The following ATP13A4 variants were observed in gnomAD, a reference collection of about 807,000 sequenced individuals.
ATP13A4 encodes ATPase 13A4, also known as probable cation-transporting ATPase 13A4.
In ATP13A4, 114 loss-of-function variants were observed where a neutral mutation model predicts 142.5. The ratio of observed to expected loss-of-function variants is 0.80; its 90% CI spans 0.69 to 0.93. The LOEUF (loss-of-function observed/expected upper bound fraction) is 0.93. Ranked by LOEUF, ATP13A4 falls within the 40% of genes least tolerant of loss-of-function variation. ATP13A4 has a pLI of 0.00. For synonymous variants in ATP13A4, 488 were observed against 514.8 expected, an observed-to-expected ratio of 0.95 and a Z score of 0.70; for missense variants, 1,392 against 1,454.0, an observed-to-expected ratio of 0.96 and a Z score of 0.69.
At position 193,457,024 on chromosome 3, in the gene ATP13A4, C is replaced by G. The variant is rs371121195; in HGVS notation, c.1891G>C (p.Ala631Pro). The change falls in exon 16 of 30, where the codon GCC becomes CCC. Residue 631 changes from alanine to proline, a missense_variant. Transcript: ENST00000342695. ...AFMKGAPERV[A>P]SFCQPETVPT... is the part of the protein sequence containing the mutation. The stretch of plus-strand genomic sequence containing the variant: ...CCTGTCTCAGGTTGGCAAAAGCTGG[C>G]CACCCTCTCTGGTGCACCTTTCATG... 8 of 1,613,824 alleles carry G rather than the reference C, an allele frequency of 5.0e-6. No homozygotes were observed. Among genetic ancestry groups the G allele is most frequent in the African/African-American group, 1.3e-5 (1 of 74,922 alleles).
At chr3:193,509,870 A>C (rs984037973) in intron 2 of ATP13A4, among the ~76,000 whole-genome samples, 1 of 152,204 alleles carries the variant, frequency 6.6e-6, no homozygotes, top group Non-Finnish European at 1.5e-5. Context: ...TCACTAGAAA[A>C]TCACTCTGTA....
At chr3:193,501,276 G>C (rs546600257) in intron 3 of ATP13A4, among the ~76,000 whole-genome samples, 2 of 152,246 alleles carry the variant, frequency 1.3e-5, no homozygotes, top group African/African-American at 4.8e-5. Context: ...CTTTGTTTTT[G>C]TTTATTTGGG....
At chr3:193,444,265 GAAC>G (rs1716816442) in intron 18 of ATP13A4, among the ~76,000 whole-genome samples, 1 of 152,126 alleles carries the variant, frequency 6.6e-6, no homozygotes, top group African/African-American at 2.4e-5. Context: ...GAAAATAGTG[GAAC>G]AACATCTTTG....
At chr3:193,538,260 T>C (rs886437739) in intron 1 of ATP13A4, among the ~76,000 whole-genome samples, 10 of 152,296 alleles carry the variant, frequency 6.6e-5, no homozygotes, top group African/African-American at 1.9e-4. Context: ...TAAGGATCCA[T>C]TGGCTCTTGG....
At chr3:193,557,117 A>G (rs187841677), upstream of ATP13A4, among the ~76,000 whole-genome samples, 563 of 152,354 alleles carry the variant, frequency 3.7e-3, 15 homozygotes, top group Admixed American at 0.035. Context: ...AACTGTACAC[A>G]AACTTACCCC....
intron 25 of ATP13A4, among the ~76,000 whole-genome samples, chr3:193,417,700 A>ATGTAAAGAAAAGAGAACACTTACGT (rs1361802616): frequency 7.2e-6 from 1 of 139,324 alleles, no homozygotes; most frequent in African/African-American, 2.7e-5. Context: ...ACAAAAAAGA[A>ATGTAAAGAAAAGAGAACACTTACGT]ATTGGCCAGG....
chr3:193,521,969 A>T (rs1370224862), intron 1 of ATP13A4, among the ~76,000 whole-genome samples: 1 of 152,026 alleles, frequency 6.6e-6, no homozygotes, highest in East Asian at 1.9e-4. Context: ...AATAGAAAAA[A>T]AAAACTGCAC....
chr3:193,454,185 T>C lies in ATP13A4; in HGVS notation c.1943A>G (p.Gln648Arg). The change falls in exon 17 of 30, where the codon CAG (glutamine) becomes CGG (arginine). Residue 648 changes from glutamine (Q) to arginine (R), a missense_variant. By Grantham distance (43) the Gln-to-Arg change is conservative. Transcript: ENST00000342695. Reference sequence around the variant, plus strand: ...TCGGAAGCCCTGTGTCGTGTAAATCTGAAGTTCGCTAACAAAACTAGTGGG... The same window carrying C: ...TCGGAAGCCCTGTGTCGTGTAAATCCGAAGTTCGCTAACAAAACTAGTGGG... ...TVPTSFVSEL[Q>R]IYTTQGFRVI... 1 of 1,613,942 alleles carries C rather than the reference T, an allele frequency of 6.2e-7. No individual in the cohort carries two copies. The highest frequency in any genetic ancestry group is 1.1e-5 in the South Asian group (1 of 91,078).
chr3:193,536,635 G>A (rs1047393389), intron 1 of ATP13A4, among the ~76,000 whole-genome samples: 3 of 151,930 alleles, frequency 2.0e-5, no homozygotes, highest in Admixed American at 2.0e-4. Flanking sequence ...TCTAGAATTT[G>A]TAACTAGATA....
Position 193,457,480 on chromosome 3 carries a change from G to C in ATP13A4, c.1675-15C>G. On this transcript the variant is annotated splice_polypyrimidine_tract_variant and intron_variant, in intron 14 of 29. Coordinates refer to ENST00000342695, the MANE Select transcript of ATP13A4 (RefSeq NM_032279.4). ...AAAGCCATTTCCTATTTCACAAATA[G>C]GATATTTCATTGCAGAGATTTATTT... 1 of 1,600,804 alleles carries C rather than the reference G, an allele frequency of 6.2e-7. No homozygotes were observed.
At chr3:193,484,524 G>C (rs908515776) in intron 7 of ATP13A4, among the ~76,000 whole-genome samples, 1 of 151,876 alleles carries the variant, frequency 6.6e-6, no homozygotes, top group African/African-American at 2.4e-5. Flanking sequence ...CTTGATTCTG[G>C]GGGTTAAAAG....
chr3:193,513,344 T>C (rs1363185694), intron 2 of ATP13A4, among the ~76,000 whole-genome samples: 1 of 152,192 alleles, frequency 6.6e-6, no homozygotes, highest in African/African-American at 2.4e-5. Context: ...TTGTAATATA[T>C]AAAAGGAAGC....
intron 1 of ATP13A4, among the ~76,000 whole-genome samples, chr3:193,537,443 A>C (rs1722646566): frequency 6.6e-6 from 1 of 152,216 alleles, no homozygotes; most frequent in South Asian, 2.1e-4. Flanking sequence ...ATAATGGATC[A>C]CACATTTAAA....
Position 193,529,999 on chromosome 3 carries a change from C to A in ATP13A4, c.61-15128G>T, listed in dbSNP as rs535569853. On this transcript the variant is annotated intron_variant, in intron 1 of 29. Transcript: ENST00000342695. ...ATTCCTATAAGCATTCCAGGGCCAC[C>A]CATGGCACCCCAGTTGGGTTGTTCT... Among the ~76,000 whole-genome samples, 5 of 152,200 alleles carry A rather than the reference C, an allele frequency of 3.3e-5. No homozygotes were observed. In the South Asian group the frequency reaches 1.0e-3, roughly 32 times the overall value.
chr3:193,469,105 C>A (rs1718468614), intron 9 of ATP13A4, among the ~76,000 whole-genome samples: 1 of 151,978 alleles, frequency 6.6e-6, no homozygotes, highest in African/African-American at 2.4e-5. Context: ...TACTTAGAGA[C>A]CAAGTATAGA....
intron 2 of ATP13A4, among the ~76,000 whole-genome samples, chr3:193,572,898 T>G (rs1724299843): frequency 1.3e-5 from 2 of 150,918 alleles, no homozygotes; most frequent in South Asian, 4.2e-4. Flanking sequence ...GAGGCTGAAC[T>G]GGGCAGATCA....
intron 2 of ATP13A4, among the ~76,000 whole-genome samples, chr3:193,576,730 A>G (rs1319596869): frequency 6.6e-6 from 1 of 152,214 alleles, no homozygotes; most frequent in Non-Finnish European, 1.5e-5. Context: ...ATTAGGTAAT[A>G]CTGGGCAGCT....
At chr3:193,483,867 G>C in intron 8 of ATP13A4, 69 bp downstream of exon 8, 1 of 1,229,778 alleles carries the variant, frequency 8.1e-7, no homozygotes, top group Admixed American at 1.7e-5. Flanking sequence ...GCAGCAATCA[G>C]AAATACAAAT....
intron 2 of ATP13A4, among the ~76,000 whole-genome samples, chr3:193,503,063 A>C (rs760987663): frequency 4.6e-5 from 7 of 152,004 alleles, no homozygotes; most frequent in Non-Finnish European, 8.8e-5. Context: ...CACTTTGTTA[A>C]CTCCAAAAAA....
Sources: gnomAD v4.1 joint callset for allele counts (sites outside exome capture counted in the v4.1 genomes callset) on GRCh38, gnomAD v4.1.1 for gene constraint, MANE v1.5 for transcripts, NCBI Gene and HGNC (gene_info 2026-07-23, HGNC 2026-07-21) for gene names.